The following BTBD9 variants were observed in gnomAD, a reference collection of about 807,000 sequenced individuals.
BTBD9 encodes the protein BTB/POZ domain-containing protein 9.
In BTBD9, 49 loss-of-function variants were observed where a neutral mutation model predicts 64.3. That is an observed-to-expected ratio of 0.76 (90% CI 0.61 to 0.97). The LOEUF (loss-of-function observed/expected upper bound fraction) is 0.97. Among genes scored for constraint, BTBD9 ranks in the 50% least tolerant of loss-of-function variants. The pLI is 0.00. For synonymous variants in BTBD9, 260 were observed against 274.7 expected (o/e 0.95, Z 0.53); for missense variants, 598 against 762.1 (o/e 0.78, Z 2.53).
intron 6 of BTBD9, among the ~76,000 whole-genome samples, chr6:38,562,328 G>A (rs537904480): frequency 2.0e-5 from 3 of 151,982 alleles, no homozygotes; most frequent in East Asian, 1.9e-4. Context: ...AGCACCTCTC[G>A]TCTTTAAAAA....
At chr6:38,263,971 C>T (rs935533856) in intron 8 of BTBD9, among the ~76,000 whole-genome samples, 3 of 152,152 alleles carry the variant, frequency 2.0e-5, no homozygotes, top group Admixed American at 2.0e-4. Flanking sequence ...GTGATGGCTA[C>T]AGGACCAGAG....
chr6:38,378,491 T>C (rs1234149142), intron 6 of BTBD9, among the ~76,000 whole-genome samples: 1 of 149,854 alleles, frequency 6.7e-6, no homozygotes. Flanking sequence ...CCACTCTGCC[T>C]CCTGAAGTGC....
intron 1 of BTBD9, among the ~76,000 whole-genome samples, chr6:38,620,790 T>G (rs1350686486): frequency 6.6e-6 from 1 of 152,050 alleles, no homozygotes; most frequent in Non-Finnish European, 1.5e-5. Context: ...ATCACCAACT[T>G]TTGCCAACTA....
intron 9 of BTBD9, among the ~76,000 whole-genome samples, chr6:38,199,825 A>G (rs1762396370): frequency 2.0e-5 from 3 of 152,178 alleles, no homozygotes; most frequent in African/African-American, 4.8e-5. Context: ...TCCATATACT[A>G]GAAGCTTCCA....
At chr6:38,300,192 G>C (rs1436312658) in intron 7 of BTBD9, among the ~76,000 whole-genome samples, 2 of 152,040 alleles carry the variant, frequency 1.3e-5, no homozygotes, top group African/African-American at 4.8e-5. Flanking sequence ...ATTTCTGAGG[G>C]CTCTGTTCTG....
intron 6 of BTBD9, among the ~76,000 whole-genome samples, chr6:38,352,634 G>T (rs549570678): frequency 4.6e-5 from 7 of 152,298 alleles, no homozygotes; most frequent in Admixed American, 1.3e-4. Context: ...GGCTCCACAT[G>T]TGTAGTAGTG....
chr6:38,338,109 C>T (rs1763964546), intron 7 of BTBD9, among the ~76,000 whole-genome samples: 1 of 152,170 alleles, frequency 6.6e-6, no homozygotes, highest in African/African-American at 2.4e-5. Context: ...AGTAGTCCCC[C>T]CTTATCTGCA....
chr6:38,343,069 G>A (rs759502928), intron 7 of BTBD9, among the ~76,000 whole-genome samples: 7 of 152,204 alleles, frequency 4.6e-5, no homozygotes, highest in African/African-American at 9.7e-5. Flanking sequence ...TTGGCTGAGG[G>A]ACAATAAGAG....
intron 9 of BTBD9, among the ~76,000 whole-genome samples, chr6:38,237,842 A>T (rs569055676): frequency 7.8e-4 from 15 of 19,312 alleles, no homozygotes; most frequent in East Asian, 0.015. Flanking sequence ...CCAATGTTTT[A>T]AAAAAAAAAA....
At chr6:38,341,013 G>C (rs990504064) in intron 7 of BTBD9, among the ~76,000 whole-genome samples, 8 of 152,134 alleles carry the variant, frequency 5.3e-5, no homozygotes, top group African/African-American at 1.9e-4. Flanking sequence ...CCAAAATCCA[G>C]ACTGGTAGAC....
intron 9 of BTBD9, among the ~76,000 whole-genome samples, chr6:38,220,014 C>T (rs1400476306): frequency 6.6e-6 from 1 of 152,208 alleles, no homozygotes; most frequent in Non-Finnish European, 1.5e-5. Flanking sequence ...ACCTAACCAA[C>T]CACGGAAGTA....
chr6:38,246,830 G>T (rs2127528548), intron 9 of BTBD9, among the ~76,000 whole-genome samples: 1 of 152,282 alleles, frequency 6.6e-6, no homozygotes, highest in Middle Eastern at 3.4e-3. Flanking sequence ...CAACAGCCCT[G>T]TCTGTTATTA....
rs114719435 is a variant in BTBD9 at position 38,538,899 on chromosome 6, T to G, written c.1154+38701A>C. Among the ~76,000 whole-genome samples the G allele has an allele frequency of 5.4e-3, 816 of 152,068 alleles. 3 individuals are homozygous for G. Among genetic ancestry groups the G allele is most frequent in the African/African-American group, 0.018 (758 of 41,478 alleles). ...CCCAAGCTCATGTGATCCCTACACC[T>G]CAGCCTCTTGAGTAGCTGGGACAAC... On this transcript the variant is annotated intron_variant, in intron 6 of 10. Transcript: ENST00000481247.
intron 7 of BTBD9, among the ~76,000 whole-genome samples, chr6:38,297,236 C>T (rs1228250147): frequency 1.3e-5 from 2 of 151,964 alleles, no homozygotes; most frequent in East Asian, 1.9e-4. Flanking sequence ...CATGGTGGCG[C>T]GCACCTGTAA....
intron 6 of BTBD9, among the ~76,000 whole-genome samples, chr6:38,555,628 G>A (rs1774980455): frequency 6.6e-6 from 1 of 152,136 alleles, no homozygotes; most frequent in Non-Finnish European, 1.5e-5. Context: ...TTACAGTGAA[G>A]AATATTCTTC....
At position 38,324,283 on chromosome 6, in the gene BTBD9, A is replaced by G. The variant is rs1763339751; in HGVS notation, c.1264+20701T>C. Among the ~76,000 whole-genome samples, 3 of 152,234 alleles carry G rather than the reference A, an allele frequency of 2.0e-5. No homozygotes were observed. The South Asian group carries it at 6.2e-4, about 32-fold the overall frequency. On this transcript the variant is annotated intron_variant, in intron 7 of 10. Transcript: ENST00000481247. ...GAAAATAAATTTATAGACCCATTTT[A>G]TTTAAGGAAACAGATGCAAAAATTC...
chr6:38,360,573 G>A (rs1764909889), intron 6 of BTBD9, among the ~76,000 whole-genome samples: 1 of 152,128 alleles, frequency 6.6e-6, no homozygotes. Context: ...AGACAACCAG[G>A]AAAGGCTTCC....
chr6:38,243,205 G>C (rs1178191783), intron 9 of BTBD9, among the ~76,000 whole-genome samples: 1 of 152,210 alleles, frequency 6.6e-6, no homozygotes, highest in African/African-American at 2.4e-5. Context: ...ATAAAGGTTA[G>C]AAAGTCTGGT....
chr6:38,218,339 T>G (rs1428848137), intron 9 of BTBD9, among the ~76,000 whole-genome samples: 1 of 152,220 alleles, frequency 6.6e-6, no homozygotes, highest in African/African-American at 2.4e-5. Context: ...TAATTCCTGT[T>G]CTACCCAATC....
Sources: allele counts gnomAD v4.1 joint callset (sites outside exome capture counted in the v4.1 genomes callset), GRCh38; gene constraint gnomAD v4.1.1; transcripts MANE v1.5; gene names NCBI Gene and HGNC (gene_info 2026-07-23, HGNC 2026-07-21).